AK7: variants seen among roughly 807,000 people sequenced by gnomAD.
AK7 encodes adenylate kinase 7, also known as ATP-AMP transphosphorylase 7.
Under a neutral mutation model 96.6 loss-of-function variants are expected in AK7, and 78 were observed. The ratio of observed to expected loss-of-function variants is 0.81; its 90% confidence interval spans 0.67 to 0.97. AK7 has a LOEUF of 0.97. Ranked by LOEUF, AK7 falls within the 50% of genes least tolerant of loss-of-function variation. AK7 has a pLI of 0.00. For missense variants in AK7, 855 were observed against 887.9 expected (o/e 0.96, Z 0.47); for synonymous variants, 302 against 317.2 (o/e 0.95, Z 0.51).
chr14:96,416,176 G>C (rs1312953722), intron 4 of AK7, among the ~76,000 whole-genome samples: 1 of 152,182 alleles, frequency 6.6e-6, no homozygotes, highest in Non-Finnish European at 1.5e-5. Flanking sequence ...CTGAGGCCAG[G>C]AGTTCAAGAC....
At chr14:96,426,051 G>T (rs115552517) in intron 5 of AK7, among the ~76,000 whole-genome samples, 12,943 of 151,964 alleles carry the variant, frequency 0.085, 636 homozygotes, top group East Asian at 0.12. Context: ...CCTGCCTTTT[G>T]TTATTTGTTT....
In AK7 at chr14:96,464,544, C is replaced by CAAAA. The variant is rs375649324; in HGVS notation, c.1357+6353_1357+6356dup. On this transcript the variant is annotated intron_variant, in intron 12 of 17. Coordinates refer to ENST00000267584, the MANE Select transcript of AK7 (RefSeq NM_152327.5). ...TGGGTGACAGAGCAAGACCCTGTCC[C>CAAAA]AAAAAAAAAAAAAAAAAAAAAAAAG... Among the ~76,000 whole-genome samples the CAAAA allele has an allele frequency of 1.3e-3, 76 of 57,528 alleles. 1 individual carries two copies. The highest frequency in any genetic ancestry group is 9.5e-3 in the East Asian group (15 of 1,586). 37.7% of individuals were successfully genotyped at this position (57,528 alleles called of 152,430 possible).
intron 4 of AK7, among the ~76,000 whole-genome samples, chr14:96,410,396 A>C (rs1472281002): frequency 6.6e-6 from 1 of 152,226 alleles, no homozygotes; most frequent in Non-Finnish European, 1.5e-5. Flanking sequence ...AAGTAAGCAA[A>C]ATAATGAACA....
At position 96,420,917 on chromosome 14, in the gene AK7, C is replaced by G. The variant is rs757265972; in HGVS notation, c.594C>G (p.Leu198=). 2 of 1,607,764 alleles carry G rather than the reference C, an allele frequency of 1.2e-6. No individual in the cohort carries two copies. Among genetic ancestry groups the G allele is most frequent in the Non-Finnish European group, 1.7e-6 (2 of 1,174,970 alleles). The part of the protein sequence containing the change: ...LDHINAEKMV[L]KFGKKARKFA... ...ACATAAATGCTGAAAAAATGGTTCT[C>G]AAATTTGGAAAAAAGGTAAGTCTGG... The change falls in exon 5 of 18, where the codon CTC becomes CTG. Residue 198 remains leucine (L), a synonymous_variant. Transcript: ENST00000267584.
chr14:96,439,965 GATTT>G (rs1892873752), intron 6 of AK7, among the ~76,000 whole-genome samples: 1 of 152,026 alleles, frequency 6.6e-6, no homozygotes, highest in Non-Finnish European at 1.5e-5. Flanking sequence ...ATTTTTATTT[GATTT>G]ATTTATTATG....
rs935082444 is a variant in AK7, at chr14:96,423,884, A to C, written c.609+2952A>C. ...ACATTTCAGCGGCCTGTGCCTTGGG[A>C]GACCCCGAGCCCACATAATCCGGAG... is the stretch of plus-strand genomic sequence containing the variant. On this transcript the variant is annotated intron_variant, in intron 5 of 17. Transcript: ENST00000267584. 33 of 939,222 alleles carry C rather than the reference A, an allele frequency of 3.5e-5. No homozygotes were observed. In the South Asian group the frequency reaches 4.0e-4, roughly 11 times the overall value. 58.2% of individuals were successfully genotyped at this position (939,222 alleles called of 1,614,324 possible).
intron 4 of AK7, among the ~76,000 whole-genome samples, chr14:96,411,273 G>A (rs1414502646): frequency 6.6e-6 from 1 of 152,282 alleles, no homozygotes; most frequent in Admixed American, 6.5e-5. Flanking sequence ...ACTTTGGAAG[G>A]CCAAGGCAGG....
At chr14:96,481,213 C>T (rs962952571) in intron 15 of AK7, among the ~76,000 whole-genome samples, 2 of 152,210 alleles carry the variant, frequency 1.3e-5, no homozygotes, top group African/African-American at 2.4e-5. Context: ...AGTGGCCCCA[C>T]TCTGGGGTCA....
chr14:96,451,684 T>G, intron 10 of AK7, 114 bp downstream of exon 10: 5 of 1,140,706 alleles, frequency 4.4e-6, no homozygotes, highest in Non-Finnish European at 5.6e-6. Context: ...ATTTCTAATT[T>G]CAAGTTTTTC....
intron 1 of AK7, among the ~76,000 whole-genome samples, chr14:96,396,026 G>A (rs1890062870): frequency 6.6e-6 from 1 of 151,758 alleles, no homozygotes; most frequent in Non-Finnish European, 1.5e-5. Context: ...TGGCCAGGAT[G>A]GTCTCGATCT....
intron 15 of AK7, among the ~76,000 whole-genome samples, chr14:96,481,690 G>A (rs906845891): frequency 3.4e-5 from 5 of 148,756 alleles, no homozygotes; most frequent in African/African-American, 1.2e-4. Context: ...AGGAGCTACC[G>A]ATATGACTTT....
In AK7 at chr14:96,451,493, C is replaced by T. The variant is rs777849703; in HGVS notation, c.1021C>T (p.Arg341Ter). 16 of 1,603,260 alleles carry T rather than the reference C, an allele frequency of 1.0e-5. No individual in the cohort carries two copies. The highest frequency in any genetic ancestry group is 2.7e-5 in the African/African-American group (2 of 74,630). Reference sequence around the variant, plus strand: ...CTTTGTGAAGGAGAATTTTAATATTCGATGGGCTGCCCAAACAGGATTTGT... The same window carrying T: ...CTTTGTGAAGGAGAATTTTAATATTTGATGGGCTGCCCAAACAGGATTTGT... ...ALFVKENFNI[R>*]WAAQTGFVEN... The change falls in exon 10 of 18, where the codon CGA (arginine) becomes TGA (stop). Residue 341 changes from arginine to a stop codon, truncating the protein, a stop_gained. Transcript: ENST00000267584. LOFTEE classifies it high-confidence loss of function.
At chr14:96,395,669 C>T (rs1484461425) in intron 1 of AK7, among the ~76,000 whole-genome samples, 1 of 125,990 alleles carries the variant, frequency 7.9e-6, no homozygotes, top group Admixed American at 9.6e-5. Flanking sequence ...CGCATCACTG[C>T]ATTCCAGCCT....
chr14:96,437,967 A>C (rs775945196), intron 6 of AK7, 52 bp downstream of exon 6: 1 of 1,533,972 alleles, frequency 6.5e-7, no homozygotes, highest in Non-Finnish European at 9.0e-7. Flanking sequence ...TACGATACAG[A>C]TACGCAATTT....
chr14:96,398,741 A>G (rs1890234443), intron 2 of AK7: 1 of 171,594 alleles, frequency 5.8e-6, no homozygotes, highest in Non-Finnish European at 1.3e-5. Flanking sequence ...TAATTTTTTA[A>G]GAGAAACATC....
Position 96,398,580 on chromosome 14 carries a change from C to T in AK7, c.294+317C>T. 9.0e-6 allele frequency: 3 copies of T among 332,208 alleles called. No individual in the cohort carries two copies. The South Asian group carries it at 9.9e-5, about 11-fold the overall frequency. The allele number at this position is 332,208 out of a possible 1,614,324, so 20.6% of individuals were successfully genotyped here. ...AGACGAGTCTGTGCCATGATGGGTGCCATCTGTGAAGGAGAAATAGGCCAG... is the reference window on the plus strand; with the variant it reads ...AGACGAGTCTGTGCCATGATGGGTGTCATCTGTGAAGGAGAAATAGGCCAG... On this transcript the variant is annotated intron_variant, in intron 2 of 17. Transcript: ENST00000267584.
rs1312097328 is a variant in AK7, at chr14:96,437,869, G to A, written c.644G>A (p.Gly215Glu). Residue 215 changes from glycine to glutamate, a missense_variant, in exon 6 of 18, where the codon GGA becomes GAA. Gly to Glu is a moderately conservative substitution (Grantham distance 98). Coordinates refer to ENST00000267584, the MANE Select transcript of AK7 (RefSeq NM_152327.5). ...RKFAAYVVAAGLQYGAEGGML... is the reference protein window; with the variant it reads ...RKFAAYVVAAELQYGAEGGML... ...TTTGCAGCATACGTAGTTGCTGCTG[G>A]ACTCCAGTATGGAGCGGAAGGAGGC... 1.9e-6 allele frequency: 3 copies of A among 1,613,082 alleles called. No homozygotes were observed. The highest frequency in any genetic ancestry group is 2.5e-6 in the Non-Finnish European group (3 of 1,179,632).
At chr14:96,479,652 C>A (rs1415526313) in intron 15 of AK7, among the ~76,000 whole-genome samples, 1 of 152,208 alleles carries the variant, frequency 6.6e-6, no homozygotes, top group African/African-American at 2.4e-5. Flanking sequence ...ATCACGTCAG[C>A]CTCATCGTCA....
chr14:96,445,200 G>T (rs1196423127), intron 7 of AK7, among the ~76,000 whole-genome samples: 1 of 152,214 alleles, frequency 6.6e-6, no homozygotes, highest in Non-Finnish European at 1.5e-5. Flanking sequence ...AATGTTGCCT[G>T]ATTCTAGAAT....
Sources: allele counts gnomAD v4.1 joint callset (sites outside exome capture counted in the v4.1 genomes callset), GRCh38; gene constraint gnomAD v4.1.1; transcripts MANE v1.5; gene names NCBI Gene and HGNC (gene_info 2026-07-23, HGNC 2026-07-21).